The following RAD54L variants were observed in gnomAD, a reference collection of about 807,000 sequenced individuals.
RAD54L encodes the protein RAD54 like, also known as DNA repair and recombination protein RAD54-like.
RAD54L carries 74 observed loss-of-function variants against 91.6 expected under a neutral mutation model. That is an observed-to-expected ratio of 0.81 (90% CI 0.67 to 0.98). RAD54L has a LOEUF of 0.98. Ranked by LOEUF, RAD54L falls within the 50% of genes least tolerant of loss-of-function variation. The pLI is 0.00. For missense variants in RAD54L, 887 were observed against 945.7 expected (o/e 0.94, Z 0.81); for synonymous variants, 304 against 349.7 (o/e 0.87, Z 1.46).
In RAD54L at chr1:46,260,597, C is replaced by T. The variant is rs964003694; in HGVS notation, c.463C>T (p.Pro155Ser). 3 of 1,614,112 alleles carry T rather than the reference C, an allele frequency of 1.9e-6. No homozygotes were observed. In the African/African-American group the frequency reaches 4.0e-5, roughly 22 times the overall value. ...VDPILSKVLR[P>S]HQREGVKFLW... ...CCCTATTCTCAGTAAGGTTTTGCGG[C>T]CTCATCAGAGAGAGGTAAATGAGGG... The change falls in exon 6 of 18, where the codon CCT (proline) becomes TCT (serine). Residue 155 changes from proline (P) to serine (S), a missense_variant. Coordinates refer to ENST00000371975, the MANE Select transcript of RAD54L (RefSeq NM_003579.4).
Position 46,266,851 on chromosome 1 carries a change from T to G in RAD54L, c.892-608T>G, listed in dbSNP as rs1227636431. On this transcript the variant is annotated intron_variant, in intron 8 of 17. Transcript: ENST00000371975. ...AGGTGGGCTGCCAAGGCTCTGGAGG[T>G]GGGGCAGGGAAAGGGATGGAAAGGA... 3.3e-5 allele frequency among the ~76,000 whole-genome samples: 5 copies of G among 152,084 alleles called. No homozygotes were observed. The East Asian group carries it at 7.7e-4, about 24-fold the overall frequency.
At position 46,261,348 on chromosome 1, in the gene RAD54L, T is replaced by C; in HGVS notation, c.854T>C (p.Leu285Pro). ...ACCTTCCGCCTTCATGTTGGAGTCC[T>C]CCAGAAAGGAAGTGTTGGTCTGGTC... ...YETFRLHVGV[L>P]QKGSVGLVIC... The change falls in exon 8 of 18, where the codon CTC (leucine) becomes CCC (proline). Residue 285 changes from leucine (L) to proline (P), a missense_variant. Leu to Pro is a moderately conservative substitution (Grantham distance 98). Coordinates refer to ENST00000371975, the MANE Select transcript of RAD54L (RefSeq NM_003579.4). 1 of 1,614,098 alleles carries C rather than the reference T, an allele frequency of 6.2e-7. No individual in the cohort carries two copies. Among genetic ancestry groups the C allele is most frequent in the Non-Finnish European group, 8.5e-7 (1 of 1,180,010 alleles).
intron 4 of RAD54L, 126 bp from the exon 5 acceptor site, chr1:46,259,838 G>A (rs1465200152): frequency 1.6e-6 from 2 of 1,255,646 alleles, no homozygotes; most frequent in Non-Finnish European, 2.3e-6. Flanking sequence ...GAGTTTGGAG[G>A]CATTCTCAGA....
At chr1:46,254,181 G>A (rs1411362721) in intron 3 of RAD54L, among the ~76,000 whole-genome samples, 2 of 152,030 alleles carry the variant, frequency 1.3e-5, no homozygotes, top group African/African-American at 4.8e-5. Context: ...TACCATGTAG[G>A]CCAGGCTGGT....
Position 46,260,953 on chromosome 1 carries a change from G to A in RAD54L, c.704G>A (p.Gly235Glu), listed in dbSNP as rs771777221. 1 of 1,614,202 alleles carries A rather than the reference G, an allele frequency of 6.2e-7. No individual in the cohort carries two copies. The highest frequency in any genetic ancestry group is 8.5e-7 in the Non-Finnish European group (1 of 1,180,046). The change falls in exon 7 of 18, where the codon GGA becomes GAA. Residue 235 changes from glycine to glutamate, a missense_variant. Physicochemically the swap from Gly to Glu is moderately conservative, Grantham distance 98 (BLOSUM62 -2). Coordinates refer to ENST00000371975, the MANE Select transcript of RAD54L (RefSeq NM_003579.4). ...TACAATGAGGTTGGGAAATGGCTCG[G>A]AGGGAGGATCCAACCTCTGGCCATC... ...NWYNEVGKWLGGRIQPLAIDG... is the reference protein window; with the variant it reads ...NWYNEVGKWLEGRIQPLAIDG...
chr1:46,266,803 T>G (rs1660276855), intron 8 of RAD54L, among the ~76,000 whole-genome samples: 1 of 152,128 alleles, frequency 6.6e-6, no homozygotes, highest in African/African-American at 2.4e-5. Context: ...TTGTCATATG[T>G]CCACATGATC....
intron 16 of RAD54L, among the ~76,000 whole-genome samples, chr1:46,274,999 GTCT>G (rs1266760061): frequency 2.0e-5 from 3 of 152,140 alleles, no homozygotes; most frequent in Admixed American, 1.3e-4. Flanking sequence ...TGGCCTTGTA[GTCT>G]TCTCTCATCC....
chr1:46,258,621 TATC>T (rs1660007401), intron 3 of RAD54L, 62 bp from the exon 4 acceptor site: 3 of 1,196,236 alleles, frequency 2.5e-6, no homozygotes, highest in Non-Finnish European at 3.8e-6. Flanking sequence ...ATGTGAAGCA[TATC>T]ATGATATTGT....
At chr1:46,250,233 A>G in intron 3 of RAD54L, 114 bp downstream of exon 3, 2 of 1,435,996 alleles carry the variant, frequency 1.4e-6, no homozygotes, top group South Asian at 2.3e-5. Context: ...GAAGACACAC[A>G]TCTGTAGGGG....
Position 46,267,476 on chromosome 1 carries a change from C to G in RAD54L, c.909C>G (p.Asn303Lys). The G allele has an allele frequency of 6.2e-7, 1 of 1,614,088 alleles. No individual in the cohort carries two copies. The highest frequency in any genetic ancestry group is 8.5e-7 in the Non-Finnish European group (1 of 1,180,038). Residue 303 changes from asparagine (N) to lysine (K), a missense_variant, in exon 9 of 18, where the codon AAC becomes AAG. Asn to Lys is a moderately conservative substitution (Grantham distance 94). Transcript: ENST00000371975. ...TCTTGCAGGGACACAGGCTCAAGAA[C>G]TCTGAGAATCAGACTTACCAAGCCC... is the stretch of plus-strand genomic sequence containing the variant. ...VICDEGHRLKNSENQTYQALD... is the reference protein window; with the variant it reads ...VICDEGHRLKKSENQTYQALD...
Position 46,260,030 on chromosome 1 carries a change from T to A in RAD54L, c.338T>A (p.Leu113Gln), listed in dbSNP as rs1660062014. ...AGVRRALHDP[L>Q]EKDALVLYEP... is the part of the protein sequence containing the mutation. Reference sequence around the variant, plus strand: ...GTCCGCCGGGCCCTCCATGACCCCCTGGAAAAAGATGCCTTGGTTCTGTAT... The same window carrying A: ...GTCCGCCGGGCCCTCCATGACCCCCAGGAAAAAGATGCCTTGGTTCTGTAT... The change falls in exon 5 of 18, where the codon CTG (leucine) becomes CAG (glutamine). Residue 113 changes from leucine to glutamine, a missense_variant. Transcript: ENST00000371975. 1 of 1,614,142 alleles carries A rather than the reference T, an allele frequency of 6.2e-7. No individual in the cohort carries two copies. Among genetic ancestry groups the A allele is most frequent in the Non-Finnish European group, 8.5e-7 (1 of 1,180,010 alleles).
chr1:46,258,119 C>T (rs1214528467), intron 3 of RAD54L, among the ~76,000 whole-genome samples: 6 of 152,022 alleles, frequency 3.9e-5, no homozygotes, highest in Non-Finnish European at 8.8e-5. Flanking sequence ...CCTAAGTGAT[C>T]CTCCTGCCTT....
intron 7 of RAD54L, 75 bp downstream of exon 7, chr1:46,261,090 GC>G (rs1292673623): frequency 6.4e-7 from 1 of 1,572,950 alleles, no homozygotes; most frequent in Non-Finnish European, 8.6e-7. Flanking sequence ...CTCATTTATG[GC>G]CAGGGTGGAG....
Position 46,260,617 on chromosome 1 carries a change from T to G in RAD54L, c.477+6T>G, listed in dbSNP as rs199693607. The G allele has an allele frequency of 3.1e-6, 5 of 1,613,676 alleles. No individual in the cohort carries two copies. The highest frequency in any genetic ancestry group is 2.2e-5 in the South Asian group (2 of 91,082). On this transcript the variant is annotated splice_donor_region_variant and intron_variant, in intron 6 of 17. Transcript: ENST00000371975. ...TGCGGCCTCATCAGAGAGAGGTAAA[T>G]GAGGGTGAGGGGAACGAGGTATGGG...
At chr1:46,252,506 C>G (rs1375205288) in intron 3 of RAD54L, among the ~76,000 whole-genome samples, 1 of 151,896 alleles carries the variant, frequency 6.6e-6, no homozygotes, top group African/African-American at 2.4e-5. Flanking sequence ...TTGAGAGATA[C>G]TTAAAAATTA....
At chr1:46,271,997 AC>A (rs1329896075) in intron 10 of RAD54L, among the ~76,000 whole-genome samples, 1 of 133,426 alleles carries the variant, frequency 7.5e-6, no homozygotes, top group Non-Finnish European at 1.6e-5. Flanking sequence ...AGACCCTGAT[AC>A]AGATGTGTTT....
rs1173712085 is a variant in RAD54L at position 46,260,974 on chromosome 1, C to T, written c.725C>T (p.Ala242Val). The change falls in exon 7 of 18, where the codon GCC becomes GTC. Residue 242 changes from alanine to valine, a missense_variant. Coordinates refer to ENST00000371975, the MANE Select transcript of RAD54L (RefSeq NM_003579.4). Reference sequence around the variant, plus strand: ...CTCGGAGGGAGGATCCAACCTCTGGCCATCGATGGAGGATCTAAGGATGAA... The same window carrying T: ...CTCGGAGGGAGGATCCAACCTCTGGTCATCGATGGAGGATCTAAGGATGAA... ...KWLGGRIQPL[A>V]IDGGSKDEID... 6.2e-7 allele frequency: 1 copy of T among 1,614,020 alleles called. No homozygotes were observed. The highest frequency in any genetic ancestry group is 8.5e-7 in the Non-Finnish European group (1 of 1,180,000).
Position 46,273,815 on chromosome 1 carries a change from A to G in RAD54L, c.1610+68A>G, listed in dbSNP as rs553758085. On this transcript the variant is annotated intron_variant, in intron 14 of 17. Coordinates refer to ENST00000371975, the MANE Select transcript of RAD54L (RefSeq NM_003579.4). ...CTCCCCTACTGTCTGTCTAGTTCTG[A>G]TTTGTGGATGTGGGCCAAGATCTGG... 395 of 1,550,978 alleles carry G rather than the reference A, an allele frequency of 2.5e-4. 5 individuals carry two copies. The South Asian group carries it at 4.4e-3, about 17-fold the overall frequency.
chr1:46,260,074 G>A lies in RAD54L; in HGVS notation c.382G>A (p.Ala128Thr), dbSNP rs759738884. Reference sequence around the variant, plus strand: ...TCTGTATGAGCCTCCCCCGCTGAGCGCTCATGACCAGCTGAAGCTTGACAA... The same window carrying A: ...TCTGTATGAGCCTCCCCCGCTGAGCACTCATGACCAGCTGAAGCTTGACAA... ...LVLYEPPPLSAHDQLKLDKEK... is the reference protein window; with the variant it reads ...LVLYEPPPLSTHDQLKLDKEK... Residue 128 changes from alanine to threonine, a missense_variant, in exon 5 of 18, where the codon GCT becomes ACT. By Grantham distance (58) the Ala-to-Thr change is moderately conservative (BLOSUM62 0). Coordinates refer to ENST00000371975, the MANE Select transcript of RAD54L (RefSeq NM_003579.4). 1.1e-5 allele frequency: 17 copies of A among 1,614,076 alleles called. No homozygotes were observed. The Admixed American group carries it at 1.3e-4, about 13-fold the overall frequency.
Sources: allele counts gnomAD v4.1 joint callset (sites outside exome capture counted in the v4.1 genomes callset), GRCh38; gene constraint gnomAD v4.1.1; transcripts MANE v1.5; gene names NCBI Gene and HGNC (gene_info 2026-07-23, HGNC 2026-07-21).